Variants in PTPRN2 observed in about 807,000 individuals in gnomAD.
The protein encoded by PTPRN2 is receptor-type tyrosine-protein phosphatase N2.
In PTPRN2, 74 loss-of-function variants were observed where a neutral mutation model predicts 118.8. The ratio of observed to expected loss-of-function variants is 0.62; its 90% confidence interval spans 0.52 to 0.76. The LOEUF (loss-of-function observed/expected upper bound fraction) is 0.76. Ranked by LOEUF, PTPRN2 falls within the 30% of genes least tolerant of loss-of-function variation. PTPRN2 has a pLI of 0.00. For missense variants in PTPRN2, 1,481 were observed against 1,394.4 expected, an observed-to-expected ratio of 1.06 and a Z score of -0.99; for synonymous variants, 641 against 608.0, an observed-to-expected ratio of 1.05 and a Z score of -0.80.
At position 157,583,810 on chromosome 7, in the gene PTPRN2, AG is replaced by A; in HGVS notation, c.2497-5671del. On this transcript the variant is annotated intron_variant, in intron 17 of 22. Transcript: ENST00000389418. The surrounding 1 kb of genome is among the most constrained non-coding windows in gnomAD (Gnocchi z 5.5). ...GGCAGGAGAACTGCTTGTGCCTGGA[AG>A]GCAGAGGTTGCAGTGAGCTGAGATC... Among the ~76,000 whole-genome samples the A allele has an allele frequency of 6.6e-6, 1 of 151,524 alleles. No individual in the cohort carries two copies. Among genetic ancestry groups the A allele is most frequent in the Non-Finnish European group, 1.5e-5 (1 of 67,868 alleles).
rs1462089701 is a variant in PTPRN2 at position 157,861,408 on chromosome 7, G to T, written c.1788+37265C>A. Among the ~76,000 whole-genome samples the T allele has an allele frequency of 6.6e-6, 1 of 152,214 alleles. No homozygotes were observed. Among genetic ancestry groups the T allele is most frequent in the Non-Finnish European group, 1.5e-5 (1 of 68,030 alleles). On this transcript the variant is annotated intron_variant, in intron 12 of 22. Transcript: ENST00000389418. The surrounding 1 kb of genome is among the most constrained non-coding windows in gnomAD (Gnocchi z 5.8). ...CGGTGGGCAGTGGCTTCTGTGTTTTGCCGTCGAGGTGCAACATGCAGCTGG... is the reference window on the plus strand; with the variant it reads ...CGGTGGGCAGTGGCTTCTGTGTTTTTCCGTCGAGGTGCAACATGCAGCTGG...
chr7:158,246,789 C>T (rs1796281358), intron 3 of PTPRN2, among the ~76,000 whole-genome samples: 1 of 152,066 alleles, frequency 6.6e-6, no homozygotes, highest in South Asian at 2.1e-4. Context: ...GCGTGTGCTT[C>T]CCATGGCCAT....
intron 12 of PTPRN2, chr7:157,856,184 G>A (rs545064590): frequency 6.6e-6 from 1 of 152,340 alleles, no homozygotes; most frequent in Non-Finnish European, 1.5e-5. Context: ...TCAACCCATG[G>A]AAACATTTCA....
intron 17 of PTPRN2, 55 bp from the exon 18 acceptor site, chr7:157,578,195 A>C: frequency 6.5e-7 from 1 of 1,547,496 alleles, no homozygotes; most frequent in Non-Finnish European, 8.8e-7. Context: ...ACCGCGTGAC[A>C]TGTGTAATTA....
At chr7:158,503,767 G>A (rs1447981353) in intron 1 of PTPRN2, among the ~76,000 whole-genome samples, 1 of 152,204 alleles carries the variant, frequency 6.6e-6, no homozygotes, top group Non-Finnish European at 1.5e-5. Flanking sequence ...TTGGGAGGCC[G>A]AGGCAGGCAG....
Position 157,618,368 on chromosome 7 carries a change from C to T in PTPRN2, c.2344+2994G>A, listed in dbSNP as rs772381202. The T allele has an allele frequency of 6.6e-6, 1 of 152,306 alleles. No homozygotes were observed. Among genetic ancestry groups the T allele is most frequent in the Non-Finnish European group, 1.5e-5 (1 of 68,070 alleles). 9.4% of individuals were successfully genotyped at this position (152,306 alleles called of 1,614,324 possible). ...ACAGCGTGGCCGAGTACTCATGCTT[C>T]CAACCCTGCACAGAGGATAGTGCAT... On this transcript the variant is annotated intron_variant, in intron 15 of 22. Coordinates refer to ENST00000389418, the MANE Select transcript of PTPRN2 (RefSeq NM_002847.5). This position sits in a 1 kb window ranked among gnomAD's most constrained non-coding sequence, Gnocchi z 4.2.
chr7:158,180,147 CT>C (rs1824573614), intron 5 of PTPRN2, among the ~76,000 whole-genome samples: 1 of 152,240 alleles, frequency 6.6e-6, no homozygotes, highest in Non-Finnish European at 1.5e-5. Context: ...CACTTTGGGG[CT>C]CCTTACCCTG....
intron 1 of PTPRN2, among the ~76,000 whole-genome samples, chr7:158,558,512 A>G (rs1410253183): frequency 6.6e-6 from 1 of 152,130 alleles, no homozygotes; most frequent in East Asian, 1.9e-4. Flanking sequence ...TCCCAGGGAC[A>G]TGAAGGCCTG....
intron 12 of PTPRN2, among the ~76,000 whole-genome samples, chr7:157,872,683 A>C (rs996021979): frequency 6.6e-6 from 1 of 152,232 alleles, no homozygotes; most frequent in Non-Finnish European, 1.5e-5. Flanking sequence ...CGCCTGTCCA[A>C]CTGGGGCAGG....
At chr7:158,508,474 C>T (rs73528640) in intron 1 of PTPRN2, among the ~76,000 whole-genome samples, 9 of 152,058 alleles carry the variant, frequency 5.9e-5, no homozygotes, top group East Asian at 5.8e-4. Flanking sequence ...AGGGTCAGGA[C>T]GAGGGTGTGG....
At chr7:158,573,945 A>T (rs1563448860) in intron 1 of PTPRN2, among the ~76,000 whole-genome samples, 1 of 152,214 alleles carries the variant, frequency 6.6e-6, no homozygotes, top group South Asian at 2.1e-4. Context: ...AACTATACGT[A>T]ATCCAGAGAT....
chr7:158,075,618 T>C (rs1179270504), intron 11 of PTPRN2, among the ~76,000 whole-genome samples: 1 of 152,210 alleles, frequency 6.6e-6, no homozygotes, highest in African/African-American at 2.4e-5. Context: ...CTTCATCTTT[T>C]TCTCTTAGAG....
rs140709617 is a variant in PTPRN2 at position 157,671,548 on chromosome 7, C to T, written c.2001+11177G>A. The stretch of plus-strand genomic sequence containing the variant: ...GGGGGGGCGGTGCAACGGAGGGAGC[C>T]GGGCAAACAAAGGCTCAGAAGCAGA... On this transcript the variant is annotated intron_variant, in intron 13 of 22. Transcript: ENST00000389418. This position sits in a 1 kb window ranked among gnomAD's most constrained non-coding sequence, Gnocchi z 4.1. Among the ~76,000 whole-genome samples, 154 of 152,086 alleles carry T rather than the reference C, an allele frequency of 1.0e-3. No individual in the cohort carries two copies. Among genetic ancestry groups the T allele is most frequent in the South Asian group, 3.5e-3 (17 of 4,804 alleles).
rs571494252 is a variant in PTPRN2 at position 158,265,212 on chromosome 7, C to T, written c.277+51607G>A. 2.6e-5 allele frequency among the ~76,000 whole-genome samples: 4 copies of T among 152,310 alleles called. No individual in the cohort carries two copies. In the East Asian group the frequency reaches 7.7e-4, roughly 29 times the overall value. ...AGTGGCCTCCCACTGACCTGGCTCCCCACCTGCCATCCACTATGCTCCTGG... is the reference window on the plus strand; with the variant it reads ...AGTGGCCTCCCACTGACCTGGCTCCTCACCTGCCATCCACTATGCTCCTGG... On this transcript the variant is annotated intron_variant, in intron 3 of 22. Transcript: ENST00000389418.
At chr7:158,326,275 C>A (rs1803516319) in intron 2 of PTPRN2, among the ~76,000 whole-genome samples, 1 of 152,230 alleles carries the variant, frequency 6.6e-6, no homozygotes, top group Non-Finnish European at 1.5e-5. Context: ...CAAGCAGCAC[C>A]AGTGACCCCT....
Position 157,656,463 on chromosome 7 carries a change from A to G in PTPRN2, c.2090T>C (p.Phe697Ser). 3 of 1,554,964 alleles carry G rather than the reference A, an allele frequency of 1.9e-6. No individual in the cohort carries two copies. The highest frequency in any genetic ancestry group is 2.6e-6 in the Non-Finnish European group (3 of 1,151,550). ...TSRISSVSSQ[F>S]SDGPIPSPSA... is the part of the protein sequence containing the mutation. ...GGGGCTGGGGATCGGCCCGTCGCTG[A>G]ACTGGGATGAGACGCTGCTGATGCG... Residue 697 changes from phenylalanine to serine, a missense_variant, in exon 14 of 23, where the codon TTC becomes TCC. This residue lies in a region of PTPRN2 where 1,115 missense variants were observed against 994.2 expected (regional missense o/e 1.12). Transcript: ENST00000389418.
At chr7:157,775,449 C>A (rs551860668) in intron 12 of PTPRN2, among the ~76,000 whole-genome samples, 234 of 152,358 alleles carry the variant, frequency 1.5e-3, no homozygotes, top group Non-Finnish European at 2.4e-3. Context: ...GGAAAACAAA[C>A]CCTTGCAGTT....
intron 21 of PTPRN2, among the ~76,000 whole-genome samples, chr7:157,555,677 GA>G (rs1208163438): frequency 7.2e-5 from 11 of 152,142 alleles, no homozygotes; most frequent in Non-Finnish European, 4.4e-5. Flanking sequence ...AAACTGCAGG[GA>G]TGCAATGTAT....
intron 1 of PTPRN2, among the ~76,000 whole-genome samples, chr7:158,521,604 T>C (rs1021402638): frequency 4.6e-5 from 6 of 129,082 alleles, no homozygotes; most frequent in Non-Finnish European, 6.8e-5. Context: ...AATGGTGGAC[T>C]GTCCAGGTAG....
Sources: allele counts gnomAD v4.1 joint callset (sites outside exome capture counted in the v4.1 genomes callset), GRCh38; gene constraint gnomAD v4.1.1; regional missense constraint gnomAD v4.1.1; non-coding constraint Gnocchi (gnomAD v3.1); transcripts MANE v1.5; gene names NCBI Gene and HGNC (gene_info 2026-07-23, HGNC 2026-07-21).